SEMA5A: variants seen among roughly 807,000 people sequenced by gnomAD.
The protein encoded by SEMA5A is semaphorin 5A.
SEMA5A carries 55 observed loss-of-function variants against 135.5 expected under a neutral mutation model. The observed-to-expected ratio is 0.41, with a 90% CI of 0.33 to 0.51. The LOEUF (loss-of-function observed/expected upper bound fraction) is 0.51. Among genes scored for constraint, SEMA5A ranks in the 20% least tolerant of loss-of-function variants. SEMA5A has a pLI of 0.37. For synonymous variants in SEMA5A, 580 were observed against 546.5 expected, an observed-to-expected ratio of 1.06 and a Z score of -0.85; for missense variants, 1,290 against 1,419.9, an observed-to-expected ratio of 0.91 and a Z score of 1.47.
chr5:9,356,904 A>C (rs552498073), intron 3 of SEMA5A, among the ~76,000 whole-genome samples: 20 of 152,312 alleles, frequency 1.3e-4, no homozygotes, highest in South Asian at 2.1e-4. Flanking sequence ...ACGCTCATGC[A>C]CCTGATATGA....
chr5:9,509,856 G>T (rs1451081824), intron 1 of SEMA5A, among the ~76,000 whole-genome samples: 2 of 152,114 alleles, frequency 1.3e-5, no homozygotes, highest in Non-Finnish European at 2.9e-5. Context: ...TAGGAAATGG[G>T]GAGACATTAC....
chr5:9,309,094 T>A (rs892805613), intron 5 of SEMA5A, among the ~76,000 whole-genome samples: 4 of 152,170 alleles, frequency 2.6e-5, no homozygotes, highest in African/African-American at 9.6e-5. Flanking sequence ...ATTAAAAATT[T>A]AATCCTGGCA....
intron 21 of SEMA5A, among the ~76,000 whole-genome samples, chr5:9,045,140 C>T (rs532754609): frequency 6.6e-6 from 1 of 152,074 alleles, no homozygotes; most frequent in East Asian, 1.9e-4. Context: ...TTGGAGTGAC[C>T]TTAAACTTTA....
At chr5:9,095,310 T>C (rs1739255770) in intron 16 of SEMA5A, among the ~76,000 whole-genome samples, 1 of 152,056 alleles carries the variant, frequency 6.6e-6, no homozygotes, top group Admixed American at 6.6e-5. Flanking sequence ...GATGGGTTGA[T>C]GGGTGCAGCA....
At chr5:9,446,702 C>T (rs574029479) in intron 1 of SEMA5A, among the ~76,000 whole-genome samples, 6 of 152,292 alleles carry the variant, frequency 3.9e-5, no homozygotes, top group African/African-American at 1.4e-4. Flanking sequence ...GCCAACAAGA[C>T]TTATTCTGTA....
At chr5:9,437,012 G>T (rs1758055756) in intron 2 of SEMA5A, among the ~76,000 whole-genome samples, 1 of 152,194 alleles carries the variant, frequency 6.6e-6, no homozygotes, top group Non-Finnish European at 1.5e-5. Context: ...TTGTGTGGAG[G>T]CCTGACCAGG....
At chr5:9,344,454 T>C (rs187765907) in intron 3 of SEMA5A, among the ~76,000 whole-genome samples, 4 of 152,312 alleles carry the variant, frequency 2.6e-5, no homozygotes, top group East Asian at 3.9e-4. Context: ...ATGGTAGTTG[T>C]ACCCAGCAAA....
intron 13 of SEMA5A, among the ~76,000 whole-genome samples, chr5:9,131,279 TGAGA>T (rs1006232927): frequency 1.3e-5 from 2 of 151,758 alleles, no homozygotes; most frequent in African/African-American, 4.8e-5. Flanking sequence ...TGTCACATGG[TGAGA>T]GAGAGAGTGA....
At chr5:9,461,059 G>A (rs1381102549) in intron 1 of SEMA5A, among the ~76,000 whole-genome samples, 2 of 152,136 alleles carry the variant, frequency 1.3e-5, no homozygotes, top group African/African-American at 4.8e-5. Context: ...AGTATAGACA[G>A]GCTCACTGTA....
chr5:9,161,154 T>G (rs540247660), intron 11 of SEMA5A, among the ~76,000 whole-genome samples: 7 of 151,900 alleles, frequency 4.6e-5, no homozygotes, highest in Non-Finnish European at 7.4e-5. Flanking sequence ...AATGGGAGTT[T>G]GAATGAAATA....
intron 8 of SEMA5A, among the ~76,000 whole-genome samples, chr5:9,223,876 A>G (rs1747146981): frequency 6.6e-6 from 1 of 152,176 alleles, no homozygotes; most frequent in South Asian, 2.1e-4. Context: ...GATGGTTGTC[A>G]CCATCTTCTG....
Position 9,190,323 on chromosome 5 carries a change from G to C in SEMA5A, c.1217C>G (p.Ala406Gly), listed in dbSNP as rs771203917. ...MEDNSRFSHV[A>G]VDVVQGREAL... is the part of the protein sequence containing the mutation. ...TTCTCTGCCCTGCACCACGTCGACT[G>C]CCACGTGGGAAAAGCGGCTATTGTC... Residue 406 changes from alanine to glycine, a missense_variant, in exon 11 of 23, where the codon GCA becomes GGA. Coordinates refer to ENST00000382496, the MANE Select transcript of SEMA5A (RefSeq NM_003966.3). The C allele has an allele frequency of 6.2e-7, 1 of 1,614,154 alleles. No homozygotes were observed. Among genetic ancestry groups the C allele is most frequent in the Admixed American group, 1.7e-5 (1 of 60,024 alleles).
At chr5:9,498,436 A>G (rs10065386) in intron 1 of SEMA5A, 217 of 152,354 alleles carry the variant, frequency 1.4e-3, no homozygotes, top group African/African-American at 5.1e-3. Context: ...CAGAAATACA[A>G]TTTAGAAATT....
At chr5:9,051,367 C>A (rs1489962923) in intron 20 of SEMA5A, among the ~76,000 whole-genome samples, 4 of 152,194 alleles carry the variant, frequency 2.6e-5, no homozygotes, top group African/African-American at 7.2e-5. Flanking sequence ...TCAGCTATCA[C>A]CAACAACTAC....
chr5:9,515,956 A>C (rs1445679634), intron 1 of SEMA5A, among the ~76,000 whole-genome samples: 1 of 152,234 alleles, frequency 6.6e-6, no homozygotes, highest in Non-Finnish European at 1.5e-5. Context: ...CTTTTCTCTT[A>C]TTAAATCATT....
At chr5:9,367,833 C>T (rs768923161) in intron 3 of SEMA5A, among the ~76,000 whole-genome samples, 3 of 152,118 alleles carry the variant, frequency 2.0e-5, no homozygotes, top group Middle Eastern at 3.2e-3. Flanking sequence ...CCCTCTTTGC[C>T]GAAATGAGTT....
At chr5:9,353,100 A>AAGGGAAAGGAAAGGAAAGGAAAGGAAAG (rs199741424) in intron 3 of SEMA5A, among the ~76,000 whole-genome samples, 2 of 14,018 alleles carry the variant, frequency 1.4e-4, no homozygotes, top group African/African-American at 5.5e-4. Context: ...AAAGGAAGGA[A>AAGGGAAAGGAAAGGAAAGGAAAGGAAAG]GGAAAGGAAA....
At chr5:9,108,623 G>A (rs1740055310) in intron 15 of SEMA5A, among the ~76,000 whole-genome samples, 1 of 152,096 alleles carries the variant, frequency 6.6e-6, no homozygotes, top group Admixed American at 6.5e-5. Context: ...ATCTAGGTAG[G>A]GCATTTATCT....
chr5:9,103,354 C>G (rs1739730858), intron 16 of SEMA5A, among the ~76,000 whole-genome samples: 1 of 152,182 alleles, frequency 6.6e-6, no homozygotes, highest in Non-Finnish European at 1.5e-5. Context: ...TTCCAATGGC[C>G]ACGTTTCATT....
Sources: gnomAD v4.1 joint callset for allele counts (sites outside exome capture counted in the v4.1 genomes callset) on GRCh38, gnomAD v4.1.1 for gene constraint, MANE v1.5 for transcripts, NCBI Gene and HGNC (gene_info 2026-07-23, HGNC 2026-07-21) for gene names.